The following HMGA2 variants were observed in gnomAD, a reference collection of about 807,000 sequenced individuals.
HMGA2 encodes the protein high mobility group protein HMGI-C.
HMGA2 carries 8 observed loss-of-function variants against 19.1 expected under a neutral mutation model. That is an observed-to-expected ratio of 0.42 (90% confidence interval 0.25 to 0.76). The LOEUF (loss-of-function observed/expected upper bound fraction) is 0.76. Among genes scored for constraint, HMGA2 ranks in the 30% least tolerant of loss-of-function variants. The pLI is 0.28. For synonymous variants in HMGA2, 60 were observed against 48.8 expected (o/e 1.23, Z -0.96); for missense variants, 109 against 136.3 (o/e 0.80, Z 1.00).
At chr12:65,881,462 A>C (rs1390366118) in intron 3 of HMGA2, 1 of 482,524 alleles carries the variant, frequency 2.1e-6, no homozygotes, top group Non-Finnish European at 3.7e-6. Flanking sequence ...GGCTAAAAAA[A>C]ACCCTTAAAG....
At chr12:65,861,789 A>C (rs1872090424) in intron 3 of HMGA2, among the ~76,000 whole-genome samples, 1 of 151,672 alleles carries the variant, frequency 6.6e-6, no homozygotes, top group Non-Finnish European at 1.5e-5. Flanking sequence ...ATATGCTTTA[A>C]CATTTAATAT....
intron 3 of HMGA2, among the ~76,000 whole-genome samples, chr12:65,913,003 A>G (rs1392556221): frequency 6.6e-6 from 1 of 152,172 alleles, no homozygotes; most frequent in Non-Finnish European, 1.5e-5. Context: ...TCTTCCATTC[A>G]GATAAAAAAT....
intron 3 of HMGA2, among the ~76,000 whole-genome samples, chr12:65,932,290 A>G (rs944781752): frequency 2.6e-5 from 4 of 152,226 alleles, no homozygotes; most frequent in African/African-American, 9.6e-5. Flanking sequence ...AATTCAGCCA[A>G]TGTGCATGAT....
chr12:65,907,030 G>T (rs1874621791), intron 3 of HMGA2, among the ~76,000 whole-genome samples: 1 of 152,080 alleles, frequency 6.6e-6, no homozygotes, highest in African/African-American at 2.4e-5. Context: ...GCTAGCATTT[G>T]ACTCCAAAGG....
intron 3 of HMGA2, chr12:65,859,407 A>G (rs1393748794): frequency 6.6e-6 from 1 of 152,144 alleles, no homozygotes; most frequent in South Asian, 2.1e-4. Context: ...CCAGCATGTC[A>G]TTGCTTTGCT....
At chr12:65,937,120 TA>T (rs1875924317) in intron 3 of HMGA2, among the ~76,000 whole-genome samples, 1 of 152,144 alleles carries the variant, frequency 6.6e-6, no homozygotes, top group Non-Finnish European at 1.5e-5. Flanking sequence ...TTCTTTTATT[TA>T]AAAAAATTAA....
intron 4 of HMGA2, chr12:65,954,582 T>G (rs911098159): frequency 1.3e-5 from 2 of 152,168 alleles, no homozygotes; most frequent in Admixed American, 6.5e-5. Flanking sequence ...AATTCAGAAT[T>G]ATGATAAATC....
intron 4 of HMGA2, 136 bp downstream of exon 4, chr12:65,951,551 G>A: frequency 3.1e-6 from 2 of 654,950 alleles, no homozygotes; most frequent in Non-Finnish European, 5.5e-6. Context: ...CTGAAAATGT[G>A]TTGTAGCCTT....
At chr12:65,879,181 G>C (rs569845493) in intron 3 of HMGA2, among the ~76,000 whole-genome samples, 1 of 152,336 alleles carries the variant, frequency 6.6e-6, no homozygotes, top group South Asian at 2.1e-4. Flanking sequence ...AGGCGGGAGT[G>C]CAGTGGCATG....
At chr12:65,891,112 G>A (rs888039131) in intron 3 of HMGA2, among the ~76,000 whole-genome samples, 3 of 152,120 alleles carry the variant, frequency 2.0e-5, no homozygotes, top group African/African-American at 7.2e-5. Context: ...GGAACCAGTT[G>A]ACTTTTTAAT....
chr12:65,839,590 T>C (rs1870904793), intron 3 of HMGA2, among the ~76,000 whole-genome samples: 1 of 152,258 alleles, frequency 6.6e-6, no homozygotes. Flanking sequence ...AATTTATTCA[T>C]CTTATATTTT....
At chr12:65,933,920 T>C (rs1050613721) in intron 3 of HMGA2, among the ~76,000 whole-genome samples, 1 of 152,180 alleles carries the variant, frequency 6.6e-6, no homozygotes, top group Non-Finnish European at 1.5e-5. Context: ...TTATCACTAA[T>C]ATAGAACTGC....
At chr12:65,904,450 T>C (rs1342549840) in intron 3 of HMGA2, among the ~76,000 whole-genome samples, 1 of 152,226 alleles carries the variant, frequency 6.6e-6, no homozygotes, top group Non-Finnish European at 1.5e-5. Context: ...ATCAAGACAG[T>C]GCAAGCCACC....
chr12:65,840,650 T>C (rs1251214578), intron 3 of HMGA2, among the ~76,000 whole-genome samples: 1 of 152,194 alleles, frequency 6.6e-6, no homozygotes, highest in East Asian at 1.9e-4. Context: ...AAGTTGATAC[T>C]GGCATACATA....
In HMGA2 at chr12:65,964,819, C is replaced by T. The variant is rs781344625; in HGVS notation, c.*1527C>T. The T allele has an allele frequency of 1.2e-4, 23 of 193,774 alleles. No homozygotes were observed. Among genetic ancestry groups the T allele is most frequent in the Non-Finnish European group, 1.8e-4 (17 of 92,764 alleles). The allele number at this position is 193,774 out of a possible 1,614,324, so 12.0% of individuals were successfully genotyped here. ...TAACTTGAAAATTTTTTAACCAAGT[C>T]GCTCCTAGGTTCTTAAGGATAATTT... On this transcript the variant is annotated 3_prime_UTR_variant, in exon 5 of 5. Coordinates refer to ENST00000403681, the MANE Select transcript of HMGA2 (RefSeq NM_003483.6).
Position 65,851,612 on chromosome 12 carries a change from G to A in HMGA2, c.249+13043G>A, listed in dbSNP as rs374076008. ...GAACTCAGGAGGCGGAGTTTGGAGT[G>A]AGCCAAGATCATGCCACTGCCTGGG... On this transcript the variant is annotated intron_variant, in intron 3 of 4. Transcript: ENST00000403681. The A allele has an allele frequency of 6.8e-4, 298 of 439,744 alleles. 1 individual carries two copies. Among genetic ancestry groups the A allele is most frequent in the South Asian group, 2.4e-3 (148 of 62,002 alleles). 27.2% of individuals were successfully genotyped at this position (439,744 alleles called of 1,614,324 possible).
At chr12:65,942,934 G>C (rs1016895713) in intron 3 of HMGA2, among the ~76,000 whole-genome samples, 1 of 152,042 alleles carries the variant, frequency 6.6e-6, no homozygotes, top group East Asian at 1.9e-4. Flanking sequence ...ATTTCTTCTG[G>C]AATTTTTTTT....
At chr12:65,945,401 G>A (rs1365335159) in intron 3 of HMGA2, among the ~76,000 whole-genome samples, 1 of 152,062 alleles carries the variant, frequency 6.6e-6, no homozygotes, top group Non-Finnish European at 1.5e-5. Context: ...GCAAATTCTT[G>A]ATAATGGTCA....
chr12:65,877,338 A>G (rs565007496), intron 3 of HMGA2, among the ~76,000 whole-genome samples: 1 of 152,098 alleles, frequency 6.6e-6, no homozygotes, highest in African/African-American at 2.4e-5. Context: ...TGCCCTGTGG[A>G]AGTAGTTTCC....
Sources: gnomAD v4.1 joint callset for allele counts (sites outside exome capture counted in the v4.1 genomes callset) on GRCh38, gnomAD v4.1.1 for gene constraint, MANE v1.5 for transcripts, NCBI Gene and HGNC (gene_info 2026-07-23, HGNC 2026-07-21) for gene names.